SH3RF3: variants seen among roughly 807,000 people sequenced by gnomAD.
SH3RF3 encodes the protein E3 ubiquitin-protein ligase SH3RF3.
In SH3RF3, 29 loss-of-function variants were observed where a neutral mutation model predicts 66.3. The observed-to-expected ratio is 0.44, with a 90% CI of 0.33 to 0.60. The LOEUF is 0.60. Among genes scored for constraint, SH3RF3 ranks in the 20% least tolerant of loss-of-function variants. The pLI is 0.04. For synonymous variants in SH3RF3, 583 were observed against 532.0 expected, an observed-to-expected ratio of 1.10 and a Z score of -1.32; for missense variants, 1,194 against 1,190.9, an observed-to-expected ratio of 1.00 and a Z score of -0.04.
At chr2:109,236,979 C>G (rs1679664564) in intron 1 of SH3RF3, among the ~76,000 whole-genome samples, 1 of 152,116 alleles carries the variant, frequency 6.6e-6, no homozygotes, top group African/African-American at 2.4e-5. Flanking sequence ...ATATTAAAGA[C>G]CCTGGACACA....
chr2:109,353,498 C>T (rs565070611), intron 2 of SH3RF3, among the ~76,000 whole-genome samples: 16 of 152,302 alleles, frequency 1.1e-4, no homozygotes, highest in Middle Eastern at 3.4e-3. Context: ...ACCCCACCAC[C>T]GCCTGGCCCC....
intron 9 of SH3RF3, among the ~76,000 whole-genome samples, chr2:109,491,870 G>C (rs143668547): frequency 6.6e-6 from 1 of 152,204 alleles, no homozygotes; most frequent in Non-Finnish European, 1.5e-5. Context: ...CCTGCAACCC[G>C]GGAAGGCAGC....
chr2:109,472,445 G>C (rs565582211), intron 8 of SH3RF3, among the ~76,000 whole-genome samples: 1 of 152,168 alleles, frequency 6.6e-6, no homozygotes, highest in Non-Finnish European at 1.5e-5. Context: ...GGGGCTTCCC[G>C]ACGGGGCTTC....
chr2:109,387,300 C>T (rs978610526), intron 3 of SH3RF3, among the ~76,000 whole-genome samples: 3 of 152,266 alleles, frequency 2.0e-5, no homozygotes, highest in Non-Finnish European at 4.4e-5. Context: ...GCGCCAGGGC[C>T]GGGGGATCCT....
At chr2:109,275,043 T>C (rs1680722099) in intron 1 of SH3RF3, among the ~76,000 whole-genome samples, 1 of 152,184 alleles carries the variant, frequency 6.6e-6, no homozygotes, top group Admixed American at 6.5e-5. Context: ...ATTACCATAA[T>C]GTAAAATTGT....
chr2:109,296,643 C>T (rs757501312), intron 1 of SH3RF3, among the ~76,000 whole-genome samples: 1 of 152,200 alleles, frequency 6.6e-6, no homozygotes, highest in Non-Finnish European at 1.5e-5. Flanking sequence ...CTGGGCCCTG[C>T]ACCATCTGTT....
At chr2:109,251,336 A>T in intron 1 of SH3RF3, 1 of 511,278 alleles carries the variant, frequency 2.0e-6, no homozygotes, top group Middle Eastern at 5.8e-4. Flanking sequence ...AATTAGAGAG[A>T]TGCAAGACAC....
intron 1 of SH3RF3, among the ~76,000 whole-genome samples, chr2:109,294,623 C>T (rs1681264697): frequency 2.0e-5 from 3 of 151,670 alleles, no homozygotes; most frequent in Non-Finnish European, 4.4e-5. Context: ...TGAGAGCCAT[C>T]CTTGCATTCT....
At chr2:109,378,524 G>A (rs146632522) in intron 3 of SH3RF3, among the ~76,000 whole-genome samples, 15 of 152,264 alleles carry the variant, frequency 9.9e-5, no homozygotes, top group African/African-American at 3.6e-4. Context: ...TTGCATGCCT[G>A]GTAATTTTCA....
rs143758555 is a variant in SH3RF3 at position 109,275,037 on chromosome 2, C to T, written c.574-72637C>T. On this transcript the variant is annotated intron_variant, in intron 1 of 9. Transcript: ENST00000309415. ...TTTATACTGTAATATTTATAGATTA[C>T]CATAATGTAAAATTGTCCCCTTAGA... Among the ~76,000 whole-genome samples the T allele has an allele frequency of 5.3e-5, 8 of 152,232 alleles. No individual in the cohort carries two copies. In the East Asian group the frequency reaches 1.5e-3, roughly 29 times the overall value.
At chr2:109,493,006 A>G (rs1251606181) in intron 9 of SH3RF3, among the ~76,000 whole-genome samples, 27 of 152,034 alleles carry the variant, frequency 1.8e-4, no homozygotes, top group Non-Finnish European at 3.4e-4. Flanking sequence ...CTGTGCAAAC[A>G]TACACTCACC....
intron 4 of SH3RF3, among the ~76,000 whole-genome samples, chr2:109,408,791 T>C (rs1676515047): frequency 6.6e-6 from 1 of 152,240 alleles, no homozygotes; most frequent in South Asian, 2.1e-4. Context: ...CAGTTGGATG[T>C]GGATGAATAT....
At chr2:109,342,867 T>C (rs1174194181) in intron 1 of SH3RF3, among the ~76,000 whole-genome samples, 1 of 152,252 alleles carries the variant, frequency 6.6e-6, no homozygotes, top group Non-Finnish European at 1.5e-5. Flanking sequence ...TTATAAGTTT[T>C]AATTATTATT....
intron 1 of SH3RF3, among the ~76,000 whole-genome samples, chr2:109,148,095 C>T (rs992167491): frequency 6.6e-6 from 1 of 152,164 alleles, no homozygotes; most frequent in African/African-American, 2.4e-5. Flanking sequence ...GGCTGGGCTG[C>T]CAGCCGGGTC....
chr2:109,454,078 A>G (rs1310731758), intron 8 of SH3RF3, among the ~76,000 whole-genome samples: 2 of 152,240 alleles, frequency 1.3e-5, no homozygotes, highest in Non-Finnish European at 2.9e-5. Context: ...TAATCATATC[A>G]TATAAAAGTC....
At chr2:109,212,067 G>A (rs1284462884) in intron 1 of SH3RF3, among the ~76,000 whole-genome samples, 1 of 152,252 alleles carries the variant, frequency 6.6e-6, no homozygotes, top group Non-Finnish European at 1.5e-5. Flanking sequence ...CAGGGAGATA[G>A]CGAAACTTGG....
intron 1 of SH3RF3, among the ~76,000 whole-genome samples, chr2:109,295,655 AGGGGCCT>A (rs202163492): frequency 0.015 from 2,357 of 152,266 alleles, 48 homozygotes; most frequent in African/African-American, 0.054. Context: ...CCCACAGGAC[AGGGGCCT>A]GCTGCCTGGT....
intron 1 of SH3RF3, among the ~76,000 whole-genome samples, chr2:109,189,451 C>T (rs1678286998): frequency 6.6e-6 from 1 of 151,886 alleles, no homozygotes; most frequent in South Asian, 2.1e-4. Flanking sequence ...TCACTGCAAC[C>T]TCTGCCTCCT....
intron 1 of SH3RF3, among the ~76,000 whole-genome samples, chr2:109,249,536 C>CTTTCTTTCTTTTTCTTTCT (rs1273437959): frequency 6.7e-5 from 5 of 74,078 alleles, no homozygotes; most frequent in African/African-American, 1.1e-4. Flanking sequence ...TCTTTCTTTC[C>CTTTCTTTCTTTTTCTTTCT]TTCCTTCCTT....
Sources: gnomAD v4.1 joint callset for allele counts (sites outside exome capture counted in the v4.1 genomes callset) on GRCh38, gnomAD v4.1.1 for gene constraint, MANE v1.5 for transcripts, NCBI Gene and HGNC (gene_info 2026-07-23, HGNC 2026-07-21) for gene names.